The following WNK3 variants were observed in gnomAD, a reference collection of about 807,000 sequenced individuals.
WNK3 encodes the protein serine/threonine-protein kinase WNK3.
Under a neutral mutation model 116.7 loss-of-function variants are expected in WNK3, and 18 were observed. That is an observed-to-expected ratio of 0.15 (90% CI 0.11 to 0.23). The LOEUF is 0.23. Among genes scored for constraint, WNK3 ranks in the 10% least tolerant of loss-of-function variants. The pLI is 1.00. For missense variants in WNK3, 993 were observed against 1,323.8 expected (o/e 0.75, Z 3.88); for synonymous variants, 404 against 469.4 (o/e 0.86, Z 1.80).
intron 22 of WNK3, among the ~76,000 whole-genome samples, chrX:54,204,989 G>A (rs2067537008): frequency 8.9e-6 from 1 of 112,205 alleles, no homozygotes; most frequent in East Asian, 2.8e-4. Flanking sequence ...GCCAAGGTAG[G>A]TGGATCACCT....
intron 6 of WNK3, among the ~76,000 whole-genome samples, chrX:54,298,984 C>T (rs1216977908): frequency 3.6e-5 from 4 of 112,174 alleles, no homozygotes; most frequent in East Asian, 2.8e-4. Flanking sequence ...CAGTGGTTTT[C>T]GTATTTAACT....
intron 1 of WNK3, among the ~76,000 whole-genome samples, chrX:54,344,321 TAGTCCCAGCTACTCCGG>T: frequency 9.1e-6 from 1 of 110,105 alleles, no homozygotes; most frequent in Middle Eastern, 4.7e-3. Context: ...CGGGCGCCTG[TAGTCCCAGCTACTCCGG>T]AGGCTGAGGC....
intron 6 of WNK3, among the ~76,000 whole-genome samples, chrX:54,299,039 C>T (rs1432620108): frequency 8.9e-6 from 1 of 111,837 alleles, no homozygotes; most frequent in Non-Finnish European, 1.9e-5. Flanking sequence ...CAACCCTAGC[C>T]TAGTATTAGG....
At chrX:54,336,456 T>C (rs1213612959) in intron 1 of WNK3, among the ~76,000 whole-genome samples, 1 of 110,007 alleles carries the variant, frequency 9.1e-6, no homozygotes, top group East Asian at 2.9e-4. Flanking sequence ...TGAAGTCAGA[T>C]CCTCTAGTAA....
intron 10 of WNK3, among the ~76,000 whole-genome samples, chrX:54,266,538 A>C (rs1001463618): frequency 1.8e-5 from 2 of 110,180 alleles, no homozygotes; most frequent in Admixed American, 9.8e-5. Flanking sequence ...GTATCAAAAT[A>C]TCTCTTTTTA....
At chrX:54,232,411 G>C (rs1557149177) in intron 21 of WNK3, among the ~76,000 whole-genome samples, 1 of 111,208 alleles carries the variant, frequency 9.0e-6, no homozygotes. Context: ...CAAAGTGTTG[G>C]GATTACAGGC....
chrX:54,232,913 A>C, exon 21 of WNK3: 1 of 1,211,128 alleles, frequency 8.3e-7, no homozygotes. Context: ...TGGCAAAGGA[A>C]TCTCAGTAGA....
chrX:54,347,337 T>C (rs1377822072), intron 1 of WNK3, among the ~76,000 whole-genome samples: 1 of 111,131 alleles, frequency 9.0e-6, no homozygotes, highest in Non-Finnish European at 1.9e-5. Context: ...AATACAAAAA[T>C]TAGCTGGGCG....
intron 22 of WNK3, among the ~76,000 whole-genome samples, chrX:54,202,875 A>AG (rs2067516447): frequency 9.1e-6 from 1 of 110,026 alleles, no homozygotes; most frequent in African/African-American, 3.3e-5. Context: ...AAAAAAAAAA[A>AG]GGTCTAGTGC....
At chrX:54,265,210 G>T (rs1212049464) in intron 10 of WNK3, among the ~76,000 whole-genome samples, 1 of 111,648 alleles carries the variant, frequency 9.0e-6, no homozygotes, top group East Asian at 2.8e-4. Flanking sequence ...ATGGGGCGGG[G>T]TGTGGGTGGC....
intron 1 of WNK3, among the ~76,000 whole-genome samples, chrX:54,344,300 G>A (rs2069375125): frequency 1.8e-5 from 2 of 110,670 alleles, no homozygotes; most frequent in African/African-American, 6.5e-5. Context: ...AAAATTAGCC[G>A]GGCGTCGTGG....
chrX:54,237,052 T>C (rs782434295), exon 20 of WNK3: 9 of 1,210,756 alleles, frequency 7.4e-6, no homozygotes, highest in Admixed American at 2.2e-5. Flanking sequence ...TGTTTGAGCA[T>C]AAGCTTGTTC....
chrX:54,195,219 A>C (rs1315380667), exon 24 of WNK3: 2 of 111,798 alleles, frequency 1.8e-5, no homozygotes, highest in Non-Finnish European at 3.8e-5. Context: ...TCAGACTTGC[A>C]CTTTGAGAAG....
intron 22 of WNK3, 150 bp downstream of exon 22, chrX:54,228,563 GA>G (rs782451549): frequency 7.0e-4 from 228 of 324,098 alleles, no homozygotes; most frequent in Admixed American, 1.3e-3. Context: ...GTGGAATGTT[GA>G]AAATATTCCA....
chrX:54,352,134 G>T (rs1159698430), intron 1 of WNK3, among the ~76,000 whole-genome samples: 1 of 111,073 alleles, frequency 9.0e-6, no homozygotes, highest in South Asian at 3.8e-4. Flanking sequence ...TAGTCAACAC[G>T]CCATGAGAAG....
At chrX:54,251,656 T>G in exon 14 of WNK3, 1 of 1,211,347 alleles carries the variant, frequency 8.3e-7, no homozygotes, top group Non-Finnish European at 1.1e-6. Flanking sequence ...AAATTTTTCT[T>G]TCTCACTTTC....
At chrX:54,302,301 T>G (rs2068766003) in intron 5 of WNK3, among the ~76,000 whole-genome samples, 1 of 111,378 alleles carries the variant, frequency 9.0e-6, no homozygotes, top group African/African-American at 3.3e-5. Context: ...ACAAGTTTAT[T>G]TATTTATTTA....
intron 10 of WNK3, among the ~76,000 whole-genome samples, chrX:54,265,808 C>A (rs1478224414): frequency 8.9e-6 from 1 of 112,796 alleles, no homozygotes; most frequent in Non-Finnish European, 1.9e-5. Flanking sequence ...CTTTGGAAGG[C>A]CAAGGCAGGC....
chrX:54,342,849 C>T (rs1557176707), intron 1 of WNK3, among the ~76,000 whole-genome samples: 5 of 107,172 alleles, frequency 4.7e-5, no homozygotes. Context: ...AAATAGCTTC[C>T]TTTTTTTCTT....
Sources: gnomAD v4.1 joint callset for allele counts (sites outside exome capture counted in the v4.1 genomes callset) on GRCh38, gnomAD v4.1.1 for gene constraint, MANE v1.5 for transcripts, NCBI Gene and HGNC (gene_info 2026-07-23, HGNC 2026-07-21) for gene names.